DYNC2H1: variants seen among roughly 807,000 people sequenced by gnomAD.
The protein encoded by DYNC2H1 is dynein cytoplasmic 2 heavy chain 1.
DYNC2H1 carries 410 observed loss-of-function variants against 570.0 expected under a neutral mutation model. The observed-to-expected ratio is 0.72, with a 90% CI of 0.66 to 0.78. DYNC2H1 has a LOEUF of 0.78. Among genes scored for constraint, DYNC2H1 ranks in the 30% least tolerant of loss-of-function variants. The pLI is 0.00. For missense variants in DYNC2H1, 4,865 were observed against 5,046.4 expected, an observed-to-expected ratio of 0.96 and a Z score of 1.09; for synonymous variants, 1,688 against 1,677.6, an observed-to-expected ratio of 1.01 and a Z score of -0.15.
At position 103,319,469 on chromosome 11, in the gene DYNC2H1, C is replaced by A. The variant is rs1446198292; in HGVS notation, c.11726-1560C>A. Among the ~76,000 whole-genome samples, 2 of 152,126 alleles carry A rather than the reference C, an allele frequency of 1.3e-5. No individual in the cohort carries two copies. The highest frequency in any genetic ancestry group is 2.9e-5 in the Non-Finnish European group (2 of 67,986). The stretch of plus-strand genomic sequence containing the variant: ...TTTAAATTAGGAATGATAGTAGACA[C>A]TATCTCAGTTTATTCGAATATCCAG... On this transcript the variant is annotated intron_variant, in intron 80 of 88. Coordinates refer to ENST00000375735, the MANE Select transcript of DYNC2H1 (RefSeq NM_001377.3). The surrounding 1 kb of genome is among the most constrained non-coding windows in gnomAD (Gnocchi z 4.3).
intron 84 of DYNC2H1, among the ~76,000 whole-genome samples, chr11:103,411,289 A>AT (rs977691116): frequency 3.3e-5 from 5 of 152,136 alleles, no homozygotes; most frequent in Non-Finnish European, 7.4e-5. Context: ...AGGCTATGAT[A>AT]TATAAGGTAG....
intron 82 of DYNC2H1, among the ~76,000 whole-genome samples, chr11:103,330,484 T>G (rs150625755): frequency 0.011 from 1,345 of 124,398 alleles, 17 homozygotes; most frequent in African/African-American, 0.034. Context: ...AATTGTAGTT[T>G]CTACAGCTTT....
chr11:103,472,567 T>G lies in DYNC2H1; in HGVS notation c.12765+3862T>G, dbSNP rs1025006063. 6.6e-6 allele frequency among the ~76,000 whole-genome samples: 1 copy of G among 152,114 alleles called. No individual in the cohort carries two copies. Among genetic ancestry groups the G allele is most frequent in the Non-Finnish European group, 1.5e-5 (1 of 68,024 alleles). On this transcript the variant is annotated intron_variant, in intron 88 of 88. Coordinates refer to ENST00000375735, the MANE Select transcript of DYNC2H1 (RefSeq NM_001377.3). The surrounding 1 kb of genome is among the most constrained non-coding windows in gnomAD (Gnocchi z 4.1). Reference sequence around the variant, plus strand: ...TTTTCTATTTTTCTGATGAAAGGACTGAGAATCAGGTAAGTTAAATGACTT... The same window carrying G: ...TTTTCTATTTTTCTGATGAAAGGACGGAGAATCAGGTAAGTTAAATGACTT...
intron 85 of DYNC2H1, among the ~76,000 whole-genome samples, chr11:103,442,395 G>A (rs1274778351): frequency 6.6e-6 from 1 of 152,086 alleles, no homozygotes; most frequent in East Asian, 1.9e-4. Context: ...ATCACAGTAT[G>A]AACTTAGGGT....
chr11:103,478,474 G>A (rs374428952), intron 88 of DYNC2H1, among the ~76,000 whole-genome samples: 3 of 152,072 alleles, frequency 2.0e-5, no homozygotes, highest in Non-Finnish European at 4.4e-5. Flanking sequence ...CCACCTATGC[G>A]GTATTTTCCA....
rs755248676 is a variant in DYNC2H1 at position 103,156,538 on chromosome 11, G to A, written c.3895G>A (p.Val1299Ile). The change falls in exon 26 of 89, where the codon GTA (valine) becomes ATA (isoleucine). Residue 1299 changes from valine (V) to isoleucine (I), a missense_variant. Val to Ile is a conservative substitution (Grantham distance 29). Transcript: ENST00000375735. The stretch of plus-strand genomic sequence containing the variant: ...GCTGATTAAAGACTGGAAAGATATA[G>A]TAAATCAGGTTGGAGATAATAGATG... ...MKLIKDWKDI[V>I]NQVGDNRCLL... 1 of 1,613,712 alleles carries A rather than the reference G, an allele frequency of 6.2e-7. No individual in the cohort carries two copies. Among genetic ancestry groups the A allele is most frequent in the East Asian group, 2.2e-5 (1 of 44,852 alleles).
At chr11:103,154,253 G>T (rs1358418801) in intron 22 of DYNC2H1, among the ~76,000 whole-genome samples, 198 bp from the exon 23 acceptor site, 1 of 151,962 alleles carries the variant, frequency 6.6e-6, no homozygotes, top group Non-Finnish European at 1.5e-5. Context: ...AGTAGGTAAA[G>T]TAAAATTCTC....
chr11:103,329,712 G>C (rs1314688684), intron 82 of DYNC2H1, among the ~76,000 whole-genome samples: 1 of 151,840 alleles, frequency 6.6e-6, no homozygotes, highest in African/African-American at 2.4e-5. Flanking sequence ...TTTTGTTGTG[G>C]GGTGGTGTGC....
intron 83 of DYNC2H1, among the ~76,000 whole-genome samples, chr11:103,371,744 T>A (rs934713048): frequency 6.6e-6 from 1 of 152,104 alleles, no homozygotes; most frequent in African/African-American, 2.4e-5. Flanking sequence ...TTGATTTTAT[T>A]TGCAGATAGC....
At chr11:103,380,511 G>T (rs61896835) in intron 83 of DYNC2H1, among the ~76,000 whole-genome samples, 20,403 of 152,182 alleles carry the variant, frequency 0.13, 1,630 homozygotes, top group Admixed American at 0.24. Context: ...GATTAATTCT[G>T]CTGATAGGAA....
chr11:103,199,895 G>T lies in DYNC2H1; in HGVS notation c.8089-151G>T, dbSNP rs1862648504. ...TTGGATTTACTTTCCAAATTATGTG[G>T]CTAAAGTTTGATTTTTAATTATTAA... is the stretch of plus-strand genomic sequence containing the variant. On this transcript the variant is annotated intron_variant, in intron 49 of 88. Coordinates refer to ENST00000375735, the MANE Select transcript of DYNC2H1 (RefSeq NM_001377.3). This position sits in a 1 kb window ranked among gnomAD's most constrained non-coding sequence, Gnocchi z 4.6. 2 of 589,792 alleles carry T rather than the reference G, an allele frequency of 3.4e-6. No homozygotes were observed. The highest frequency in any genetic ancestry group is 5.3e-5 in the South Asian group (2 of 37,582). 36.5% of individuals were successfully genotyped at this position (589,792 alleles called of 1,614,324 possible).
chr11:103,223,060 G>C lies in DYNC2H1; in HGVS notation c.9327G>C (p.Leu3109Phe). 1 of 1,612,194 alleles carries C rather than the reference G, an allele frequency of 6.2e-7. No individual in the cohort carries two copies. Among genetic ancestry groups the C allele is most frequent in the Non-Finnish European group, 8.5e-7 (1 of 1,179,080 alleles). Residue 3109 changes from leucine (L) to phenylalanine (F), a missense_variant, in exon 59 of 89, where the codon TTG (leucine) becomes TTC (phenylalanine). By Grantham distance (22) the Leu-to-Phe change is conservative. Around this residue, in one of 5 missense-constraint regions of DYNC2H1, gnomAD observed 2,401 missense variants for 2,454.6 expected, o/e 0.98. Coordinates refer to ENST00000375735, the MANE Select transcript of DYNC2H1 (RefSeq NM_001377.3). Reference sequence around the variant, plus strand: ...ATGTCTTGGAACGAATTCATCCTTTGGAAACTGAACAGGCAGGATTAGAAT... The same window carrying C: ...ATGTCTTGGAACGAATTCATCCTTTCGAAACTGAACAGGCAGGATTAGAAT... ...YSHVLERIHPLETEQAGLESN... is the reference protein window; with the variant it reads ...YSHVLERIHPFETEQAGLESN...
chr11:103,112,276 G>A (rs1041388822), intron 1 of DYNC2H1, among the ~76,000 whole-genome samples: 2 of 152,218 alleles, frequency 1.3e-5, no homozygotes. Context: ...AAGGAACATT[G>A]TGGTAGATGA....
chr11:103,386,450 C>CCACACACACACACACA (rs111771901), intron 83 of DYNC2H1, among the ~76,000 whole-genome samples: 2 of 150,706 alleles, frequency 1.3e-5, no homozygotes, highest in African/African-American at 4.9e-5. Flanking sequence ...TTAAAACACA[C>CCACACACACACACACA]CACACACACA....
chr11:103,135,947 A>T lies in DYNC2H1; in HGVS notation c.2573A>T (p.Lys858Met). ...TTGTCAGCTGTTTTACACCAACATA[A>T]GGTATAGAACATGTAATGTTCCATC... Reference protein sequence around the residue: ...RRLSAVLHQHKEWIVIGQVDM... With the variant: ...RRLSAVLHQHMEWIVIGQVDM... Residue 858 changes from lysine to methionine, a missense_variant and splice_region_variant, in exon 17 of 89, where the codon AAG becomes ATG. Lys to Met is a moderately conservative substitution (Grantham distance 95, BLOSUM62 -1). Transcript: ENST00000375735. The T allele has an allele frequency of 6.3e-7, 1 of 1,599,510 alleles. No individual in the cohort carries two copies.
intron 16 of DYNC2H1, 24 bp downstream of exon 16, chr11:103,135,658 T>C (rs1420516359): frequency 6.2e-7 from 1 of 1,609,128 alleles, no homozygotes; most frequent in African/African-American, 1.3e-5. Flanking sequence ...TCAACCCCAA[T>C]TTAATGTTCA....
At chr11:103,352,649 A>G (rs1287549737) in intron 82 of DYNC2H1, among the ~76,000 whole-genome samples, 1 of 152,176 alleles carries the variant, frequency 6.6e-6, no homozygotes. Context: ...TGATGTTCTT[A>G]AATGTTCTCT....
chr11:103,328,144 A>G (rs539943072), intron 82 of DYNC2H1, among the ~76,000 whole-genome samples: 1 of 152,302 alleles, frequency 6.6e-6, no homozygotes, highest in East Asian at 1.9e-4. Flanking sequence ...TAGTATTCCA[A>G]TTTTTATGAA....
At chr11:103,338,059 G>C (rs1378832438) in intron 82 of DYNC2H1, among the ~76,000 whole-genome samples, 1 of 152,162 alleles carries the variant, frequency 6.6e-6, no homozygotes, top group Non-Finnish European at 1.5e-5. Flanking sequence ...TATATGTTGA[G>C]AGACAGCTGT....
Sources: allele counts gnomAD v4.1 joint callset (sites outside exome capture counted in the v4.1 genomes callset), GRCh38; gene constraint gnomAD v4.1.1; regional missense constraint gnomAD v4.1.1; non-coding constraint Gnocchi (gnomAD v3.1); transcripts MANE v1.5; gene names NCBI Gene and HGNC (gene_info 2026-07-23, HGNC 2026-07-21).